PROM2: variants seen among roughly 807,000 people sequenced by gnomAD.
PROM2 encodes prominin 2, also known as prominin-2.
A neutral mutation model predicts 110.2 loss-of-function variants in PROM2; 90 were observed. The observed-to-expected ratio is 0.82, with a 90% CI of 0.69 to 0.97. The LOEUF (loss-of-function observed/expected upper bound fraction) is 0.97. Among genes scored for constraint, PROM2 ranks in the 50% least tolerant of loss-of-function variants. The pLI, the probability that PROM2 is intolerant of heterozygous loss-of-function variation, is 0.00. For synonymous variants in PROM2, 470 were observed against 467.8 expected (o/e 1.00, Z -0.06); for missense variants, 1,009 against 1,074.8 (o/e 0.94, Z 0.86).
rs759358223 is a variant in PROM2 at position 95,279,997 on chromosome 2, C to T, written c.1427C>T (p.Ala476Val). Reference protein sequence around the residue: ...KGEAGARFLMAGVGLSFLFAA... With the variant: ...KGEAGARFLMVGVGLSFLFAA... ...GAGGCTGGAGCCCGCTTCCTCATGGCGTAAGAAAGGGCTGGGAGAGGGGAA... is the reference window on the plus strand; with the variant it reads ...GAGGCTGGAGCCCGCTTCCTCATGGTGTAAGAAAGGGCTGGGAGAGGGGAA... The change falls in exon 11 of 24, where the codon GCA (alanine) becomes GTA (valine). Residue 476 changes from alanine (A) to valine (V), a missense_variant and splice_region_variant. Coordinates refer to ENST00000317620, the MANE Select transcript of PROM2 (RefSeq NM_001165978.3). The T allele has an allele frequency of 5.1e-5, 74 of 1,445,994 alleles. No homozygotes were observed. The highest frequency in any genetic ancestry group is 2.0e-4 in the Middle Eastern group (1 of 5,104). The allele number at this position is 1,445,994 out of a possible 1,614,324, so 89.6% of individuals were successfully genotyped here. A position where few individuals can be genotyped will look rare whatever the true frequency, so the allele number is the denominator to read the frequency against.
At chr2:95,277,814 C>T in intron 7 of PROM2, 116 bp from the exon 8 acceptor site, 1 of 921,930 alleles carries the variant, frequency 1.1e-6, no homozygotes, top group Non-Finnish European at 1.7e-6. Context: ...TGGCAGTCCT[C>T]ATTTTACACT....
intron 22 of PROM2, 146 bp downstream of exon 22, chr2:95,288,735 C>T: frequency 1.2e-6 from 1 of 828,196 alleles, no homozygotes; most frequent in Non-Finnish European, 1.9e-6. Flanking sequence ...CTCTGAGGAG[C>T]TCCAAAGCCA....
intron 10 of PROM2, 29 bp downstream of exon 10, chr2:95,279,173 T>A: frequency 3.9e-6 from 1 of 253,854 alleles, no homozygotes; most frequent in Non-Finnish European, 7.4e-6. Flanking sequence ...TGGGATGGGG[T>A]GGGGTGGGGT....
At chr2:95,279,588 C>CCCGG (rs1676918953) in intron 10 of PROM2, among the ~76,000 whole-genome samples, 1 of 152,172 alleles carries the variant, frequency 6.6e-6, no homozygotes. Context: ...AGCCACCGCG[C>CCCGG]CCGGCCGCTT....
chr2:95,282,716 T>C (rs1219431637), intron 14 of PROM2, among the ~76,000 whole-genome samples: 1 of 152,116 alleles, frequency 6.6e-6, no homozygotes, highest in Non-Finnish European at 1.5e-5. Context: ...TTACTGGAAC[T>C]TGGTGTGTAG....
At chr2:95,283,738 G>A (rs1007147762) in intron 14 of PROM2, among the ~76,000 whole-genome samples, 1 of 152,178 alleles carries the variant, frequency 6.6e-6, no homozygotes, top group Non-Finnish European at 1.5e-5. Flanking sequence ...AGTGATAGTA[G>A]GAAAATGCTA....
intron 19 of PROM2, 68 bp downstream of exon 19, chr2:95,287,281 G>A: frequency 6.3e-7 from 1 of 1,583,600 alleles, no homozygotes; most frequent in South Asian, 1.1e-5. Flanking sequence ...TTCTCACTGT[G>A]GCTCCCAGGA....
Position 95,281,970 on chromosome 2 carries a change from CA to C in PROM2, c.1599del (p.Gln533HisfsTer5). The C allele has an allele frequency of 6.2e-7, 1 of 1,614,128 alleles. No homozygotes were observed. The highest frequency in any genetic ancestry group is 8.5e-7 in the Non-Finnish European group (1 of 1,180,006). On this transcript the variant is annotated frameshift_variant, in exon 13 of 24. Transcript: ENST00000317620. LOFTEE classifies it high-confidence loss of function. Reference protein sequence around the residue: ...GNLPPSMNLSQLLGLRKNISI... With the variant: ...GNLPPSMNLSXLLGLRKNISI... ...CCTGCCCCCGTCCATGAACCTGTCG[CA>C]ACTTCTTGGCCTGAGGAAGAACATC...
At position 95,284,047 on chromosome 2, in the gene PROM2, G is replaced by T. The variant is rs555231762; in HGVS notation, c.1729-922G>T. Among the ~76,000 whole-genome samples, 76 of 152,356 alleles carry T rather than the reference G, an allele frequency of 5.0e-4. No homozygotes were observed. In the East Asian group the frequency reaches 0.014, roughly 28 times the overall value. Reference sequence around the variant, plus strand: ...TATTTCAGGTGGCCAGGGAAGGTCTGTGTCTCTGCCCAGAAGCCAGATGGG... The same window carrying T: ...TATTTCAGGTGGCCAGGGAAGGTCTTTGTCTCTGCCCAGAAGCCAGATGGG... On this transcript the variant is annotated intron_variant, in intron 14 of 23. Coordinates refer to ENST00000317620, the MANE Select transcript of PROM2 (RefSeq NM_001165978.3).
In PROM2 at chr2:95,283,402, C is replaced by T. The variant is rs1677159522; in HGVS notation, c.1728+1176C>T. On this transcript the variant is annotated intron_variant, in intron 14 of 23. Coordinates refer to ENST00000317620, the MANE Select transcript of PROM2 (RefSeq NM_001165978.3). ...TACCAAATGTGGCTGTAAGAATCCT[C>T]GTCCTCAAAGGAGACACTGATGGGT... 2.0e-5 allele frequency among the ~76,000 whole-genome samples: 3 copies of T among 152,342 alleles called. No homozygotes were observed. In the South Asian group the frequency reaches 6.2e-4, roughly 32 times the overall value.
At position 95,277,036 on chromosome 2, in the gene PROM2, G is replaced by T. The variant is rs1303730970; in HGVS notation, c.747G>T (p.Leu249=). 2.6e-6 allele frequency: 4 copies of T among 1,551,960 alleles called. No individual in the cohort carries two copies. The highest frequency in any genetic ancestry group is 3.5e-6 in the Non-Finnish European group (4 of 1,147,244). Residue 249 remains leucine, a synonymous_variant, in exon 6 of 24, where the codon CTG becomes CTT. Transcript: ENST00000317620. ...TQLRSSVYPL[L]AAVGSLGQVL... ...TCAGGAGCTCCGTGTACCCCTTGCT[G>T]GCGGCCGTGGGCAGTTTGGGCCAGG...
intron 14 of PROM2, among the ~76,000 whole-genome samples, chr2:95,282,781 A>C (rs1196413531): frequency 6.6e-6 from 1 of 152,168 alleles, no homozygotes; most frequent in Non-Finnish European, 1.5e-5. Flanking sequence ...GAAGGCAAGG[A>C]AGGGCTGTTT....
At chr2:95,283,413 G>A (rs1265972767) in intron 14 of PROM2, among the ~76,000 whole-genome samples, 1 of 152,248 alleles carries the variant, frequency 6.6e-6, no homozygotes, top group East Asian at 1.9e-4. Flanking sequence ...GTCCTCAAAG[G>A]AGACACTGAT....
Position 95,277,003 on chromosome 2 carries a change from C to G in PROM2, c.714C>G (p.His238Gln), listed in dbSNP as rs778138371. Residue 238 changes from histidine (H) to glutamine (Q), a missense_variant, in exon 6 of 24, where the codon CAC becomes CAG. Transcript: ENST00000317620. The part of the protein sequence containing the change: ...GVGVSIGSAI[H>Q]TQLRSSVYPL... ...GTGTGAGCATTGGGAGCGCGATCCA[C>G]ACTCAGCTCAGGAGCTCCGTGTACC... The G allele has an allele frequency of 8.4e-6, 13 of 1,553,110 alleles. No individual in the cohort carries two copies. Among genetic ancestry groups the G allele is most frequent in the Middle Eastern group, 1.7e-4 (1 of 6,014 alleles).
intron 14 of PROM2, among the ~76,000 whole-genome samples, chr2:95,283,771 TTTCATTCA>T (rs3076102): frequency 1.2e-3 from 180 of 149,794 alleles, no homozygotes; most frequent in African/African-American, 3.4e-3. Context: ...GAAAATACAG[TTTCATTCA>T]TTCATTCATT....
chr2:95,276,183 C>G lies in PROM2; in HGVS notation c.498-44C>G. 1.9e-6 allele frequency: 3 copies of G among 1,612,888 alleles called. No individual in the cohort carries two copies. In the South Asian group the frequency reaches 3.3e-5, roughly 18 times the overall value. On this transcript the variant is annotated intron_variant, in intron 3 of 23. Coordinates refer to ENST00000317620, the MANE Select transcript of PROM2 (RefSeq NM_001165978.3). The surrounding 1 kb of genome is among the most constrained non-coding windows in gnomAD (Gnocchi z 4.6). Reference sequence around the variant, plus strand: ...AGGGCGGGCTGTGGCCCCCAGGCTCCCTCTTACCCAGCAAGCACCTTCCTC... The same window carrying G: ...AGGGCGGGCTGTGGCCCCCAGGCTCGCTCTTACCCAGCAAGCACCTTCCTC...
intron 14 of PROM2, among the ~76,000 whole-genome samples, chr2:95,282,913 T>C (rs918603036): frequency 2.6e-5 from 4 of 152,140 alleles, no homozygotes; most frequent in Non-Finnish European, 5.9e-5. Context: ...CCCCTGGCCC[T>C]GGTTCCCCTC....
intron 22 of PROM2, 150 bp from the exon 23 acceptor site, chr2:95,288,783 C>A: frequency 1.1e-6 from 1 of 872,106 alleles, no homozygotes; most frequent in Non-Finnish European, 1.9e-6. Context: ...ACCCTTCTTG[C>A]TGCATCCATT....
rs372704871 is a variant in PROM2 at position 95,274,593 on chromosome 2, A to T, written c.8A>T (p.His3Leu). 26 of 1,585,734 alleles carry T rather than the reference A, an allele frequency of 1.6e-5. No individual in the cohort carries two copies. The highest frequency in any genetic ancestry group is 2.2e-5 in the Non-Finnish European group (26 of 1,163,410). ...CCTTACCTTCCTGACCCCATGAAGC[A>T]CACACTGGCTCTGCTGGCTCCCCTG... The part of the protein sequence containing the change: MK[H>L]TLALLAPLLG... The change falls in exon 1 of 24, where the codon CAC becomes CTC. Residue 3 changes from histidine to leucine, a missense_variant. His to Leu is a moderately conservative substitution (Grantham distance 99). Coordinates refer to ENST00000317620, the MANE Select transcript of PROM2 (RefSeq NM_001165978.3).
Sources: gnomAD v4.1 joint callset for allele counts (sites outside exome capture counted in the v4.1 genomes callset) on GRCh38, gnomAD v4.1.1 for gene constraint, Gnocchi (gnomAD v3.1) non-coding constraint, MANE v1.5 for transcripts, NCBI Gene and HGNC (gene_info 2026-07-23, HGNC 2026-07-21) for gene names.